SERPINB7: variants seen among roughly 807,000 people sequenced by gnomAD.
SERPINB7 encodes the protein serpin family B member 7, also known as serpin B7.
SERPINB7 carries 31 observed loss-of-function variants against 37.4 expected under a neutral mutation model. The observed-to-expected ratio is 0.83, with a 90% CI of 0.62 to 1.12. SERPINB7 has a LOEUF of 1.12. Among genes scored for constraint, SERPINB7 ranks in the 50% most tolerant of loss-of-function variants. The probability of loss-of-function intolerance (pLI) is 0.00; values close to 1 mark genes in which losing one functional copy is unlikely to be tolerated. For synonymous variants in SERPINB7, 163 were observed against 166.1 expected, an observed-to-expected ratio of 0.98 and a Z score of 0.14; for missense variants, 521 against 455.3, an observed-to-expected ratio of 1.14 and a Z score of -1.31.
chr18:63,763,654 G>A (rs1037168171), intron 1 of SERPINB7, among the ~76,000 whole-genome samples: 2 of 152,158 alleles, frequency 1.3e-5, no homozygotes, highest in Admixed American at 1.3e-4. Context: ...CTTACAAAGA[G>A]TACCTTAAAT....
intron 1 of SERPINB7, among the ~76,000 whole-genome samples, chr18:63,780,900 T>G (rs2049295110): frequency 6.6e-6 from 1 of 152,154 alleles, no homozygotes; most frequent in Non-Finnish European, 1.5e-5. Flanking sequence ...TTTGCTGTCT[T>G]TTAGGACAGA....
chr18:63,765,042 T>C (rs1430235803), intron 1 of SERPINB7, among the ~76,000 whole-genome samples: 1 of 152,172 alleles, frequency 6.6e-6, no homozygotes, highest in Non-Finnish European at 1.5e-5. Flanking sequence ...TTGCAGAATT[T>C]GTTTATGACA....
chr18:63,782,602 G>T (rs1019564624), intron 2 of SERPINB7, 62 bp downstream of exon 2: 2 of 1,473,056 alleles, frequency 1.4e-6, no homozygotes, highest in East Asian at 2.3e-5. Context: ...AGAACATTTC[G>T]TTGCAATGGT....
rs116251689 is a variant in SERPINB7 at position 63,801,365 on chromosome 18, T to A, written c.744+353T>A. On this transcript the variant is annotated intron_variant, in intron 7 of 7. Transcript: ENST00000398019. Reference sequence around the variant, plus strand: ...TGAAATTTTGCTAGACTGAGCATCTTTAGGCAGGTATGATATGATAGAGTC... The same window carrying A: ...TGAAATTTTGCTAGACTGAGCATCTATAGGCAGGTATGATATGATAGAGTC... Among the ~76,000 whole-genome samples the A allele has an allele frequency of 1.6e-3, 240 of 152,294 alleles. 3 individuals are homozygous for A. The highest frequency in any genetic ancestry group is 5.6e-3 in the African/African-American group (233 of 41,566).
rs2049488584 is a variant in SERPINB7 at position 63,796,342 on chromosome 18, C to T, written c.413C>T (p.Thr138Ile). Residue 138 changes from threonine (T) to isoleucine (I), a missense_variant, in exon 5 of 8, where the codon ACT becomes ATT. Coordinates refer to ENST00000398019, the MANE Select transcript of SERPINB7 (RefSeq NM_003784.4). ...GACTTTACGAATCATTTAGAAGACA[C>T]TAGACGTAATATTAATAAGTGGGTT... Reference protein sequence around the residue: ...RVDFTNHLEDTRRNINKWVEN... With the variant: ...RVDFTNHLEDIRRNINKWVEN... 5 of 1,611,416 alleles carry T rather than the reference C, an allele frequency of 3.1e-6. No homozygotes were observed. Among genetic ancestry groups the T allele is most frequent in the South Asian group, 1.1e-5 (1 of 90,938 alleles).
intron 1 of SERPINB7, among the ~76,000 whole-genome samples, chr18:63,779,497 A>G (rs1030143163): frequency 1.5e-4 from 23 of 152,144 alleles, no homozygotes; most frequent in African/African-American, 5.5e-4. Flanking sequence ...TTTGGTATTT[A>G]TTTTAAGCAT....
intron 1 of SERPINB7, among the ~76,000 whole-genome samples, chr18:63,757,276 C>A (rs905199303): frequency 1.3e-5 from 2 of 152,148 alleles, no homozygotes; most frequent in African/African-American, 2.4e-5. Flanking sequence ...CCTCTCTCAT[C>A]CATTATAACA....
chr18:63,800,566 C>T (rs1412564180), intron 6 of SERPINB7, among the ~76,000 whole-genome samples: 1 of 152,110 alleles, frequency 6.6e-6, no homozygotes. Flanking sequence ...CAATCCTGTA[C>T]AGCAGGGATT....
chr18:63,772,799 G>A (rs943589675), upstream of SERPINB7, among the ~76,000 whole-genome samples: 4 of 152,150 alleles, frequency 2.6e-5, no homozygotes, highest in Admixed American at 6.5e-5. Context: ...CCACGACAAC[G>A]TGATGAAATG....
At chr18:63,800,080 G>A (rs906019688) in intron 6 of SERPINB7, among the ~76,000 whole-genome samples, 4 of 150,128 alleles carry the variant, frequency 2.7e-5, no homozygotes, top group African/African-American at 9.9e-5. Context: ...TTTTGAGACA[G>A]GGTCTTAAGC....
chr18:63,795,830 G>A (rs1335958740), intron 4 of SERPINB7, among the ~76,000 whole-genome samples: 2 of 152,178 alleles, frequency 1.3e-5, no homozygotes, highest in African/African-American at 4.8e-5. Context: ...GACGTAAGCA[G>A]GGTGGGGATC....
At chr18:63,774,817 C>T (rs1401548785), upstream of SERPINB7, among the ~76,000 whole-genome samples, 2 of 151,836 alleles carry the variant, frequency 1.3e-5, no homozygotes, top group African/African-American at 2.4e-5. Flanking sequence ...ACTAACAGGG[C>T]AAATGTTTCT....
chr18:63,796,006 A>C (rs529922692), intron 4 of SERPINB7, among the ~76,000 whole-genome samples: 1 of 152,188 alleles, frequency 6.6e-6, no homozygotes, highest in Admixed American at 6.5e-5. Flanking sequence ...GGTGGGCTTT[A>C]TCCATTCTCT....
chr18:63,762,114 C>T (rs755483162), intron 1 of SERPINB7, among the ~76,000 whole-genome samples: 2 of 152,124 alleles, frequency 1.3e-5, no homozygotes, highest in Non-Finnish European at 2.9e-5. Flanking sequence ...GACTGTGGGA[C>T]CATGGAGGGC....
At chr18:63,770,403 T>C (rs1267827743) in intron 1 of SERPINB7, among the ~76,000 whole-genome samples, 2 of 151,990 alleles carry the variant, frequency 1.3e-5, no homozygotes, top group Non-Finnish European at 1.5e-5. Flanking sequence ...AGTTTTCTCA[T>C]AGTTACTCTA....
chr18:63,777,326 C>T (rs1448834716), intron 1 of SERPINB7, among the ~76,000 whole-genome samples: 2 of 152,028 alleles, frequency 1.3e-5, no homozygotes, highest in Non-Finnish European at 2.9e-5. Context: ...GACTGCAGTG[C>T]TACTCCTCTA....
chr18:63,787,880 T>C (rs914162934), intron 2 of SERPINB7, among the ~76,000 whole-genome samples: 2 of 152,148 alleles, frequency 1.3e-5, no homozygotes, highest in Non-Finnish European at 2.9e-5. Flanking sequence ...ACCGTCAAAT[T>C]ATAATGAAAC....
In SERPINB7 at chr18:63,760,079, C is replaced by T. The variant is rs140406655; in HGVS notation, c.-19+6959C>T. ...GGAATAGTTTGGAGGGCTCAGAAGA[C>T]AGGAAAATGTGGGAAAGTTTGGAAC... On this transcript the variant is annotated intron_variant, in intron 1 of 7. Transcript: ENST00000336429. 3.4e-3 allele frequency among the ~76,000 whole-genome samples: 512 copies of T among 152,218 alleles called. 2 individuals are homozygous for T. Among genetic ancestry groups the T allele is most frequent in the African/African-American group, 0.012 (498 of 41,528 alleles).
intron 1 of SERPINB7, among the ~76,000 whole-genome samples, chr18:63,758,492 G>C (rs957185693): frequency 6.6e-6 from 1 of 152,172 alleles, no homozygotes; most frequent in Non-Finnish European, 1.5e-5. Context: ...ATCTACCCAC[G>C]TGTAGAAACT....
Sources: allele counts gnomAD v4.1 joint callset (sites outside exome capture counted in the v4.1 genomes callset), GRCh38; gene constraint gnomAD v4.1.1; transcripts MANE v1.5; gene names NCBI Gene and HGNC (gene_info 2026-07-23, HGNC 2026-07-21).